Variants in TMEM51 observed in about 807,000 individuals in gnomAD.
TMEM51 encodes chromosome 1 open reading frame 72.
Under a neutral mutation model 13.6 loss-of-function variants are expected in TMEM51, and 8 were observed. The ratio of observed to expected loss-of-function variants is 0.59; its 90% CI spans 0.35 to 1.07. TMEM51 has a LOEUF of 1.07. Among genes scored for constraint, TMEM51 ranks in the 50% least tolerant of loss-of-function variants. TMEM51 has a pLI of 0.02. For missense variants in TMEM51, 279 were observed against 330.7 expected (o/e 0.84, Z 1.21); for synonymous variants, 147 against 144.4 (o/e 1.02, Z -0.13).
At chr1:15,191,995 G>A (rs186881343) in intron 1 of TMEM51, 23 of 533,028 alleles carry the variant, frequency 4.3e-5, no homozygotes, top group Admixed American at 9.7e-5. Context: ...CAGGTCATCC[G>A]ATGTTCCTTC....
chr1:15,166,392 G>A (rs1642999405), intron 1 of TMEM51, among the ~76,000 whole-genome samples: 1 of 152,050 alleles, frequency 6.6e-6, no homozygotes, highest in Non-Finnish European at 1.5e-5. Flanking sequence ...CATGGTGGAA[G>A]CCACAGCAGC....
At position 15,159,819 on chromosome 1, in the gene TMEM51, A is replaced by AACC. The variant is rs202091977; in HGVS notation, c.-267+5871_-267+5873dup. Among the ~76,000 whole-genome samples, 1,298 of 152,076 alleles carry AACC rather than the reference A, an allele frequency of 8.5e-3. 66 individuals are homozygous for AACC. The highest frequency in any genetic ancestry group is 0.08 in the Admixed American group (1,227 of 15,262). On this transcript the variant is annotated intron_variant, in intron 1 of 3. Transcript: ENST00000376008. Reference sequence around the variant, plus strand: ...ATCCGCCTGCCTCGGCCTAGGCATGAACCACCACACCTAGCCTTCTTCTTT... The same window carrying AACC: ...ATCCGCCTGCCTCGGCCTAGGCATGAACCACCACCACACCTAGCCTTCTTCTTT...
In TMEM51 at chr1:15,215,120, C is replaced by G. The variant is rs756335953; in HGVS notation, c.33C>G (p.His11Gln). The G allele has an allele frequency of 4.3e-6, 7 of 1,614,006 alleles. No individual in the cohort carries two copies. Among genetic ancestry groups the G allele is most frequent in the Non-Finnish European group, 5.1e-6 (6 of 1,180,034 alleles). The change falls in exon 3 of 4, where the codon CAC becomes CAG. Residue 11 changes from histidine to glutamine, a missense_variant. Coordinates refer to ENST00000376008, the MANE Select transcript of TMEM51 (RefSeq NM_001136218.2). MMAQSKANGS[H>Q]YALTAIGLGM... Reference sequence around the variant, plus strand: ...CCCAGTCCAAGGCCAATGGCTCGCACTATGCGCTGACCGCCATCGGCCTGG... The same window carrying G: ...CCCAGTCCAAGGCCAATGGCTCGCAGTATGCGCTGACCGCCATCGGCCTGG...
intron 1 of TMEM51, among the ~76,000 whole-genome samples, chr1:15,209,813 C>G (rs1644309404): frequency 6.6e-6 from 1 of 152,202 alleles, no homozygotes; most frequent in South Asian, 2.1e-4. Context: ...AAGAGGATCT[C>G]CTGAGGTCAG....
chr1:15,205,080 C>T (rs1460944811), intron 1 of TMEM51, among the ~76,000 whole-genome samples: 2 of 152,120 alleles, frequency 1.3e-5, no homozygotes, highest in East Asian at 1.9e-4. Context: ...GTGACTGGGT[C>T]CCCCGTGCCA....
upstream of TMEM51, among the ~76,000 whole-genome samples, chr1:15,153,403 G>A (rs1202908466): frequency 6.8e-6 from 1 of 147,828 alleles, no homozygotes; most frequent in Non-Finnish European, 1.5e-5. Flanking sequence ...ACACACGCGC[G>A]TGCGCGCACA....
intron 3 of TMEM51, 99 bp downstream of exon 3, chr1:15,215,530 T>G: frequency 4.4e-6 from 5 of 1,133,750 alleles, no homozygotes; most frequent in Non-Finnish European, 4.9e-6. Flanking sequence ...GACTGTCATC[T>G]ACAGGCTTTA....
Position 15,219,793 on chromosome 1 carries a change from C to G in TMEM51, c.*50C>G, listed in dbSNP as rs368485318. The G allele has an allele frequency of 3.2e-6, 5 of 1,574,536 alleles. No individual in the cohort carries two copies. In the African/African-American group the frequency reaches 4.1e-5, roughly 13 times the overall value. ...CTCCTGTCTCTCACACCTTTCACCCCCAAGACTCTAACAAAGCCACATGAG... is the reference window on the plus strand; with the variant it reads ...CTCCTGTCTCTCACACCTTTCACCCGCAAGACTCTAACAAAGCCACATGAG... On this transcript the variant is annotated 3_prime_UTR_variant, in exon 4 of 4. Coordinates refer to ENST00000376008, the MANE Select transcript of TMEM51 (RefSeq NM_001136218.2).
chr1:15,172,290 G>T (rs570978718), intron 1 of TMEM51, among the ~76,000 whole-genome samples: 2 of 151,556 alleles, frequency 1.3e-5, no homozygotes, highest in South Asian at 4.2e-4. Flanking sequence ...AGGCTGAGGT[G>T]GTAGGGTCAC....
At chr1:15,175,016 G>A (rs991250985) in intron 1 of TMEM51, among the ~76,000 whole-genome samples, 12 of 152,110 alleles carry the variant, frequency 7.9e-5, no homozygotes, top group Non-Finnish European at 1.6e-4. Flanking sequence ...CCTTTTGGTC[G>A]CTGACACTAA....
At chr1:15,154,258 G>A (rs985726422) in intron 1 of TMEM51, among the ~76,000 whole-genome samples, 8 of 152,230 alleles carry the variant, frequency 5.3e-5, no homozygotes, top group African/African-American at 1.9e-4. Context: ...TATCCGCCCG[G>A]CGGGCTTCGA....
At chr1:15,176,181 T>C (rs565101391) in intron 1 of TMEM51, among the ~76,000 whole-genome samples, 14 of 152,330 alleles carry the variant, frequency 9.2e-5, no homozygotes, top group African/African-American at 3.1e-4. Flanking sequence ...TCAATGTTTA[T>C]TGAAATGAAT....
intron 1 of TMEM51, among the ~76,000 whole-genome samples, chr1:15,170,590 G>A (rs547308501): frequency 6.6e-6 from 1 of 152,014 alleles, no homozygotes; most frequent in African/African-American, 2.4e-5. Flanking sequence ...GATTATAGGC[G>A]TGAGTCACCA....
chr1:15,196,099 C>T (rs1439912483), intron 1 of TMEM51, among the ~76,000 whole-genome samples: 1 of 152,190 alleles, frequency 6.6e-6, no homozygotes, highest in Non-Finnish European at 1.5e-5. Flanking sequence ...CATGGCACTG[C>T]ATGGTGTGCG....
intron 1 of TMEM51, among the ~76,000 whole-genome samples, chr1:15,200,407 CAAAAA>C (rs55755539): frequency 2.6e-4 from 18 of 67,968 alleles, no homozygotes; most frequent in Admixed American, 7.5e-4. Context: ...GACTCTGTCT[CAAAAA>C]AAAAAAAAAA....
At chr1:15,152,645 G>C (rs1205164357), upstream of TMEM51, 2 of 152,270 alleles carry the variant, frequency 1.3e-5, no homozygotes, top group African/African-American at 2.4e-5. Context: ...GCTCAGAGAG[G>C]GAATGGGAGC....
chr1:15,219,668 G>A lies in TMEM51; in HGVS notation c.687G>A (p.Ser229=), dbSNP rs546668500. 2.2e-5 allele frequency: 36 copies of A among 1,613,836 alleles called. No individual in the cohort carries two copies. The highest frequency in any genetic ancestry group is 7.7e-5 in the South Asian group (7 of 91,078). ...CAGACAAAAACGTCCCTCCTCCCTCGATAGAGCCTTTGACTCCTCCACCGC... is the reference window on the plus strand; with the variant it reads ...CAGACAAAAACGTCCCTCCTCCCTCAATAGAGCCTTTGACTCCTCCACCGC... ...NLPDKNVPPP[S]IEPLTPPPQY... The change falls in exon 4 of 4, where the codon TCG becomes TCA. Residue 229 remains serine, a synonymous_variant. Transcript: ENST00000376008.
intron 1 of TMEM51, among the ~76,000 whole-genome samples, chr1:15,209,426 T>C (rs1391226717): frequency 6.6e-6 from 1 of 152,150 alleles, no homozygotes; most frequent in Non-Finnish European, 1.5e-5. Context: ...TCCTGAATTT[T>C]AGTTTATAGT....
rs563417166 is a variant in TMEM51, at chr1:15,165,251, G to A, written c.-267+11297G>A. Among the ~76,000 whole-genome samples the A allele has an allele frequency of 3.0e-3, 454 of 152,256 alleles. 2 individuals carry two copies. Among genetic ancestry groups the A allele is most frequent in the African/African-American group, 0.01 (429 of 41,536 alleles). On this transcript the variant is annotated intron_variant, in intron 1 of 3. Transcript: ENST00000376008. Reference sequence around the variant, plus strand: ...GGATTACATGAGCCCAGGAGGTAGAGGCTACAGTGAGCCGTGACTATGCCA... The same window carrying A: ...GGATTACATGAGCCCAGGAGGTAGAAGCTACAGTGAGCCGTGACTATGCCA...
Sources: gnomAD v4.1 joint callset for allele counts (sites outside exome capture counted in the v4.1 genomes callset) on GRCh38, gnomAD v4.1.1 for gene constraint, MANE v1.5 for transcripts, NCBI Gene and HGNC (gene_info 2026-07-23, HGNC 2026-07-21) for gene names.